Variants in CACNA1H observed in about 807,000 individuals in gnomAD.
The protein encoded by CACNA1H is voltage-dependent T-type calcium channel subunit alpha-1H.
In CACNA1H, 149 loss-of-function variants were observed where a neutral mutation model predicts 192.5. The ratio of observed to expected loss-of-function variants is 0.77; its 90% CI spans 0.68 to 0.89. The LOEUF is 0.89. CACNA1H is among the 40% of genes least tolerant of loss of function. The pLI is 0.00. For synonymous variants in CACNA1H, 2,202 were observed against 1,475.2 expected, an observed-to-expected ratio of 1.49 and a Z score of -11.29; for missense variants, 4,257 against 3,423.5, an observed-to-expected ratio of 1.24 and a Z score of -6.08.
chr16:1,156,083 C>T (rs1351929781), intron 2 of CACNA1H, among the ~76,000 whole-genome samples: 1 of 152,144 alleles, frequency 6.6e-6, no homozygotes, highest in Non-Finnish European at 1.5e-5. Flanking sequence ...GGTGGTCGGC[C>T]TCCTGCCCTT....
chr16:1,175,298 C>T (rs993746448), intron 2 of CACNA1H, among the ~76,000 whole-genome samples: 3 of 152,196 alleles, frequency 2.0e-5, no homozygotes, highest in Non-Finnish European at 4.4e-5. Context: ...CATGTGGGGT[C>T]CCCTGCTGGG....
At position 1,209,743 on chromosome 16, in the gene CACNA1H, T is replaced by C. The variant is rs539707064; in HGVS notation, c.3745-292T>C. On this transcript the variant is annotated intron_variant, in intron 17 of 34. Transcript: ENST00000348261. The stretch of plus-strand genomic sequence containing the variant: ...CAGGCATCCGCTAGGCTCTCAGGCT[T>C]CCGTGGGTCAAGGACCACTCCCAGA... 3.5e-4 allele frequency among the ~76,000 whole-genome samples: 53 copies of C among 152,232 alleles called. 2 individuals are homozygous for C. The East Asian group carries it at 9.5e-3, about 27-fold the overall frequency.
chr16:1,221,639 C>T lies in CACNA1H; in HGVS notation c.*645C>T. The T allele has an allele frequency of 1.1e-6, 1 of 888,402 alleles. No homozygotes were observed. Among genetic ancestry groups the T allele is most frequent in the Non-Finnish European group, 1.7e-6 (1 of 600,396 alleles). 55.0% of individuals were successfully genotyped at this position (888,402 alleles called of 1,614,324 possible). ...ATCTGGGGGCGTTGGCCGCGAGATTCCCATTGACACCTTTGTTTCGTGTGC... is the reference window on the plus strand; with the variant it reads ...ATCTGGGGGCGTTGGCCGCGAGATTTCCATTGACACCTTTGTTTCGTGTGC... On this transcript the variant is annotated 3_prime_UTR_variant, in exon 35 of 35. Coordinates refer to ENST00000348261, the MANE Select transcript of CACNA1H (RefSeq NM_021098.3).
Position 1,220,166 on chromosome 16 carries a change from C to G in CACNA1H, c.6234C>G (p.Cys2078Trp), listed in dbSNP as rs59844753. The change falls in exon 35 of 35, where the codon TGC (cysteine) becomes TGG (tryptophan). Residue 2078 changes from cysteine (C) to tryptophan (W), a missense_variant. Cys to Trp is a radical substitution (Grantham distance 215, BLOSUM62 -2). Coordinates refer to ENST00000348261, the MANE Select transcript of CACNA1H (RefSeq NM_021098.3). ...GTAAGCATACCTTCGGACAGCGCTG[C>G]GTCTCCAGCCGGCCGGCGGCCCCAG... ...RTRKHTFGQR[C>W]VSSRPAAPGG... 2.0e-6 allele frequency: 3 copies of G among 1,520,050 alleles called. No individual in the cohort carries two copies. Among genetic ancestry groups the G allele is most frequent in the Admixed American group, 4.2e-5 (2 of 47,458 alleles). The allele number at this position is 1,520,050 out of a possible 1,614,324, so 94.2% of individuals were successfully genotyped here.
chr16:1,195,392 T>C, intron 3 of CACNA1H, 40 bp from the exon 4 acceptor site: 2 of 1,549,576 alleles, frequency 1.3e-6, no homozygotes, highest in Non-Finnish European at 1.7e-6. Context: ...TGGGCTGAGC[T>C]GAGCTGTTCC....
At chr16:1,169,967 C>T (rs1471485476) in intron 2 of CACNA1H, among the ~76,000 whole-genome samples, 1 of 152,182 alleles carries the variant, frequency 6.6e-6, no homozygotes, top group Admixed American at 6.5e-5. Flanking sequence ...GCCCACGGGT[C>T]GGGATCAAGG....
chr16:1,191,315 C>T (rs1347538167), intron 2 of CACNA1H, among the ~76,000 whole-genome samples: 1 of 114,716 alleles, frequency 8.7e-6, no homozygotes, highest in Non-Finnish European at 1.7e-5. Flanking sequence ...AGCAGGCTGG[C>T]CTGGCTGTGT....
intron 9 of CACNA1H, among the ~76,000 whole-genome samples, chr16:1,203,361 T>C (rs1968230997): frequency 6.6e-6 from 1 of 152,212 alleles, no homozygotes; most frequent in African/African-American, 2.4e-5. Context: ...TAACTTCGCC[T>C]GTGTGCTGTG....
Position 1,194,952 on chromosome 16 carries a change from T to C in CACNA1H, c.300-20T>C, listed in dbSNP as rs771137217. The C allele has an allele frequency of 1.9e-6, 3 of 1,580,772 alleles. No homozygotes were observed. Among genetic ancestry groups the C allele is most frequent in the Non-Finnish European group, 2.6e-6 (3 of 1,151,374 alleles). ...CGGGTCCCGGGCCGCGCCGGTGTGC[T>C]CCTTAACCCGCGGCGACACATGGTT... On this transcript the variant is annotated intron_variant, in intron 2 of 34. Coordinates refer to ENST00000348261, the MANE Select transcript of CACNA1H (RefSeq NM_021098.3).
Position 1,208,152 on chromosome 16 carries a change from C to G in CACNA1H, c.3294C>G (p.Pro1098=), listed in dbSNP as rs1039197409. Residue 1098 remains proline, a synonymous_variant, in exon 16 of 35, where the codon CCC becomes CCG. Coordinates refer to ENST00000348261, the MANE Select transcript of CACNA1H (RefSeq NM_021098.3). The part of the protein sequence containing the change: ...PKSSPFLDAA[P]SLPDSRRGSS... ...GCTCACCATTCCTGGATGCAGCCCC[C>G]AGCCTCCCAGACTCTCGGCGTGGCA... is the stretch of plus-strand genomic sequence containing the variant. The G allele has an allele frequency of 1.3e-6, 2 of 1,579,406 alleles. No individual in the cohort carries two copies. Among genetic ancestry groups the G allele is most frequent in the Non-Finnish European group, 1.7e-6 (2 of 1,164,334 alleles).
rs766316929 is a variant in CACNA1H, at chr16:1,205,152, C to G, written c.2490C>G (p.Ile830Met). 1.9e-6 allele frequency: 3 copies of G among 1,612,742 alleles called. No homozygotes were observed. Among genetic ancestry groups the G allele is most frequent in the Non-Finnish European group, 2.5e-6 (3 of 1,179,782 alleles). ...ELTNALEISNIVFTSMFALEM... is the reference protein window; with the variant it reads ...ELTNALEISNMVFTSMFALEM... ...CTAATGCTCTGGAGATCAGCAACAT[C>G]GTGTTCACCAGCATGTTTGCCCTGG... Residue 830 changes from isoleucine (I) to methionine (M), a missense_variant, in exon 11 of 35, where the codon ATC becomes ATG. Coordinates refer to ENST00000348261, the MANE Select transcript of CACNA1H (RefSeq NM_021098.3).
intron 2 of CACNA1H, among the ~76,000 whole-genome samples, chr16:1,183,497 G>T (rs554742857): frequency 6.6e-6 from 1 of 152,174 alleles, no homozygotes; most frequent in South Asian, 2.1e-4. Context: ...TTCAGTCAGC[G>T]CATCCCCGGC....
Position 1,208,137 on chromosome 16 carries a change from C to T in CACNA1H, c.3279C>T (p.Phe1093=), listed in dbSNP as rs1205242847. ...TPMPTPKSSP[F]LDAAPSLPDS... is the part of the protein sequence containing the mutation. ...TGCCTACCCCCAAGAGCTCACCATT[C>T]CTGGATGCAGCCCCCAGCCTCCCAG... Residue 1093 remains phenylalanine (F), a synonymous_variant, in exon 16 of 35, where the codon TTC becomes TTT. Coordinates refer to ENST00000348261, the MANE Select transcript of CACNA1H (RefSeq NM_021098.3). 2.5e-6 allele frequency: 4 copies of T among 1,588,360 alleles called. No individual in the cohort carries two copies. The African/African-American group carries it at 4.0e-5, about 16-fold the overall frequency.
At chr16:1,155,324 C>T (rs941489285) in intron 2 of CACNA1H, among the ~76,000 whole-genome samples, 2 of 152,160 alleles carry the variant, frequency 1.3e-5, no homozygotes, top group African/African-American at 4.8e-5. Context: ...GTGGTGTCTG[C>T]GAGTAGGTGG....
chr16:1,206,349 A>G (rs1024902087), intron 12 of CACNA1H, 60 bp downstream of exon 12: 29 of 1,495,714 alleles, frequency 1.9e-5, no homozygotes, highest in Non-Finnish European at 2.6e-5. Flanking sequence ...CTGGGAGGCA[A>G]AGGCCCAGGG....
chr16:1,199,954 C>T (rs143231674), intron 6 of CACNA1H, among the ~76,000 whole-genome samples: 36 of 149,866 alleles, frequency 2.4e-4, no homozygotes, highest in Non-Finnish European at 3.4e-4. Flanking sequence ...GTTGATTTCT[C>T]TGTCCATCCC....
intron 6 of CACNA1H, 35 bp from the exon 7 acceptor site, chr16:1,200,221 T>C (rs375149271): frequency 2.7e-5 from 42 of 1,546,846 alleles, no homozygotes; most frequent in Admixed American, 7.8e-5. Context: ...CTGACCCTGA[T>C]TGTACCTTTT....
At chr16:1,160,748 C>G (rs1407993216) in intron 2 of CACNA1H, among the ~76,000 whole-genome samples, 1 of 152,160 alleles carries the variant, frequency 6.6e-6, no homozygotes, top group African/African-American at 2.4e-5. Context: ...CACGAGGCCT[C>G]CTTTGTCCTC....
chr16:1,207,792 C>T lies in CACNA1H; in HGVS notation c.3086C>T (p.Thr1029Met), dbSNP rs769369128. ...QAEGDANRSD[T>M]DEDKTSVHFE... ...TAGGGCGATGCCAACAGATCCGACACGGACGAGGACAAGACGTCGGTCCAC... is the reference window on the plus strand; with the variant it reads ...TAGGGCGATGCCAACAGATCCGACATGGACGAGGACAAGACGTCGGTCCAC... Residue 1029 changes from threonine (T) to methionine (M), a missense_variant, in exon 15 of 35, where the codon ACG (threonine) becomes ATG (methionine). Coordinates refer to ENST00000348261, the MANE Select transcript of CACNA1H (RefSeq NM_021098.3). 8.1e-6 allele frequency: 13 copies of T among 1,601,522 alleles called. No homozygotes were observed. The highest frequency in any genetic ancestry group is 3.4e-5 in the Admixed American group (2 of 58,422).
Sources: gnomAD v4.1 joint callset for allele counts (sites outside exome capture counted in the v4.1 genomes callset) on GRCh38, gnomAD v4.1.1 for gene constraint, MANE v1.5 for transcripts, NCBI Gene and HGNC (gene_info 2026-07-23, HGNC 2026-07-21) for gene names.